Variants in DCLRE1C observed in about 807,000 individuals in gnomAD.
DCLRE1C encodes protein artemis.
Under a neutral mutation model 61.4 loss-of-function variants are expected in DCLRE1C, and 47 were observed. The observed-to-expected ratio is 0.77, with a 90% confidence interval of 0.61 to 0.98. DCLRE1C has a LOEUF of 0.98. Ranked by LOEUF, DCLRE1C falls within the 50% of genes least tolerant of loss-of-function variation. DCLRE1C has a pLI of 0.00. For missense variants in DCLRE1C, 858 were observed against 816.0 expected, an observed-to-expected ratio of 1.05 and a Z score of -0.63; for synonymous variants, 337 against 287.6, an observed-to-expected ratio of 1.17 and a Z score of -1.74.
At chr10:14,925,936 T>A (rs1175890763) in intron 11 of DCLRE1C, among the ~76,000 whole-genome samples, 1 of 152,208 alleles carries the variant, frequency 6.6e-6, no homozygotes, top group Non-Finnish European at 1.5e-5. Flanking sequence ...CGGGGGTGGC[T>A]ACCTCCATAC....
chr10:14,953,367 C>T (rs1220804738), intron 1 of DCLRE1C, among the ~76,000 whole-genome samples: 2 of 152,070 alleles, frequency 1.3e-5, no homozygotes, highest in Non-Finnish European at 2.9e-5. Flanking sequence ...TTGCCTGATA[C>T]CATCTAGAAG....
intron 4 of DCLRE1C, among the ~76,000 whole-genome samples, chr10:14,937,830 G>A (rs1408092625): frequency 2.7e-5 from 4 of 149,090 alleles, no homozygotes; most frequent in Admixed American, 6.8e-5. Context: ...GGAGGTAGAG[G>A]TTGCAGTGAG....
At chr10:14,949,981 G>T (rs926362317) in intron 1 of DCLRE1C, among the ~76,000 whole-genome samples, 2 of 152,028 alleles carry the variant, frequency 1.3e-5, no homozygotes, top group African/African-American at 4.8e-5. Context: ...GGAGGTAGAG[G>T]TTGCAGTGAG....
chr10:14,929,583 A>T (rs188919422), intron 9 of DCLRE1C, among the ~76,000 whole-genome samples: 48 of 152,230 alleles, frequency 3.2e-4, no homozygotes, highest in African/African-American at 1.1e-3. Context: ...TCGAGGCTAC[A>T]GTGAGCAATG....
intron 1 of DCLRE1C, among the ~76,000 whole-genome samples, chr10:14,952,176 G>A (rs954426493): frequency 1.3e-5 from 2 of 152,154 alleles, no homozygotes; most frequent in African/African-American, 2.4e-5. Context: ...TGCAAGTTTC[G>A]GAAGTATACT....
Position 14,945,166 on chromosome 10 carries a change from G to T in DCLRE1C, c.185C>A (p.Ser62Ter). 1 of 1,612,862 alleles carries T rather than the reference G, an allele frequency of 6.2e-7. No individual in the cohort carries two copies. Among genetic ancestry groups the T allele is most frequent in the South Asian group, 1.1e-5 (1 of 90,872 alleles). ...TAACAACAACTCCTTAGTCACAGGT[G>T]AACAGTATAGATAAACCTTCAAGCT... ...ECSLKVYLYC[S>*]PVTKELLLTS... Residue 62 changes from serine to a stop codon, truncating the protein, a stop_gained, in exon 3 of 14, where the codon TCA (serine) becomes TAA (stop). Coordinates refer to ENST00000378278, the MANE Select transcript of DCLRE1C (RefSeq NM_001033855.3). LOFTEE classifies it high-confidence loss of function.
rs778029115 is a variant in DCLRE1C at position 14,908,585 on chromosome 10, T to G, written c.1902A>C (p.Lys634Asn). 3.1e-6 allele frequency: 5 copies of G among 1,614,016 alleles called. No individual in the cohort carries two copies. Among genetic ancestry groups the G allele is most frequent in the Non-Finnish European group, 4.2e-6 (5 of 1,180,016 alleles). Residue 634 changes from lysine to asparagine, a missense_variant, in exon 14 of 14, where the codon AAA (lysine) becomes AAC (asparagine). Coordinates refer to ENST00000378278, the MANE Select transcript of DCLRE1C (RefSeq NM_001033855.3). ...CATTTGTGCTAAGATTTAGCAAACTTTTTTCCTCGGGTATATGTGTCTCAC... is the reference window on the plus strand; with the variant it reads ...CATTTGTGCTAAGATTTAGCAAACTGTTTTCCTCGGGTATATGTGTCTCAC... ...LSSETHIPEE[K>N]SLLNLSTNAD...
chr10:14,939,894 T>C (rs1339140195), intron 3 of DCLRE1C, 25 bp from the exon 4 acceptor site: 2 of 1,556,432 alleles, frequency 1.3e-6, no homozygotes, highest in East Asian at 2.3e-5. Flanking sequence ...TAAGAGACCA[T>C]GTATATAGCA....
intron 2 of DCLRE1C, 86 bp from the exon 3 acceptor site, chr10:14,945,275 A>G (rs772332251): frequency 6.9e-7 from 1 of 1,446,912 alleles, no homozygotes; most frequent in Non-Finnish European, 9.4e-7. Context: ...CATACATCTA[A>G]TAATTTCATT....
At chr10:14,927,158 G>A (rs1288260143) in intron 10 of DCLRE1C, among the ~76,000 whole-genome samples, 2 of 152,188 alleles carry the variant, frequency 1.3e-5, no homozygotes, top group South Asian at 2.1e-4. Context: ...GACGCGTACG[G>A]ATTGCCTGAG....
chr10:14,902,348 AT>A, downstream of DCLRE1C: 1 of 1,259,542 alleles, frequency 7.9e-7, no homozygotes, highest in Non-Finnish European at 1.1e-6. Flanking sequence ...AAAATTTGAA[AT>A]TTATTCTAAA....
Position 14,923,006 on chromosome 10 carries a change from T to G in DCLRE1C, c.1036A>C (p.Thr346Pro). ...ATTTCGACAACTTTATCCATAGTTG[T>G]GCCAACTGGAATGACATTTGGATAT... ...NAYPNVIPVG[T>P]TMDKVVEILK... Residue 346 changes from threonine (T) to proline (P), a missense_variant, in exon 12 of 14, where the codon ACA becomes CCA. By Grantham distance (38) the Thr-to-Pro change is conservative. Transcript: ENST00000378278. 6 of 1,614,150 alleles carry G rather than the reference T, an allele frequency of 3.7e-6. No homozygotes were observed. Among genetic ancestry groups the G allele is most frequent in the Non-Finnish European group, 5.1e-6 (6 of 1,179,954 alleles).
At chr10:14,941,539 G>A (rs1357285087) in intron 3 of DCLRE1C, among the ~76,000 whole-genome samples, 28 of 152,138 alleles carry the variant, frequency 1.8e-4, no homozygotes, top group Non-Finnish European at 2.9e-5. Flanking sequence ...GTCCCACCTT[G>A]GCCTCCCGAA....
intron 11 of DCLRE1C, among the ~76,000 whole-genome samples, chr10:14,925,798 G>A (rs1476086688): frequency 6.6e-6 from 1 of 152,114 alleles, no homozygotes; most frequent in African/African-American, 2.4e-5. Flanking sequence ...GAAAAACATG[G>A]CACTTAATAG....
At chr10:14,920,261 A>G in intron 12 of DCLRE1C, 2 of 463,338 alleles carry the variant, frequency 4.3e-6, no homozygotes, top group Non-Finnish European at 6.2e-6. Flanking sequence ...GGGTTTACTT[A>G]TATCTCACAG....
In DCLRE1C at chr10:14,908,444, T is replaced by C. The variant is rs1429403294; in HGVS notation, c.2043A>G (p.Ala681=). The change falls in exon 14 of 14, where the codon GCA becomes GCG. Residue 681 remains alanine (A), a synonymous_variant. Coordinates refer to ENST00000378278, the MANE Select transcript of DCLRE1C (RefSeq NM_001033855.3). ...YEKLATGESI[A]VKKRKCSLLD... ...AGAGTGAGCATTTTCTTTTTTTGAC[T>C]GCTATACTCTCACCAGTTGCCAGCT... 6.2e-7 allele frequency: 1 copy of C among 1,613,874 alleles called. No individual in the cohort carries two copies. Among genetic ancestry groups the C allele is most frequent in the Non-Finnish European group, 8.5e-7 (1 of 1,179,992 alleles).
chr10:14,911,217 T>A (rs1835199283), intron 13 of DCLRE1C: 1 of 152,120 alleles, frequency 6.6e-6, no homozygotes, highest in Admixed American at 6.5e-5. Context: ...CTTGTCCTGG[T>A]CCCAACAGCC....
chr10:14,902,141 CTAA>C (rs1307477596), downstream of DCLRE1C, among the ~76,000 whole-genome samples: 2 of 152,094 alleles, frequency 1.3e-5, no homozygotes, highest in Non-Finnish European at 2.9e-5. Context: ...CAAATATGGG[CTAA>C]TAACATAAAG....
At chr10:14,914,921 CAGAG>C (rs1360484066) in intron 13 of DCLRE1C, among the ~76,000 whole-genome samples, 4 of 149,416 alleles carry the variant, frequency 2.7e-5, no homozygotes, top group Non-Finnish European at 4.4e-5. Flanking sequence ...GCCTGGGGAA[CAGAG>C]AGAATCCATC....
Sources: allele counts gnomAD v4.1 joint callset (sites outside exome capture counted in the v4.1 genomes callset), GRCh38; gene constraint gnomAD v4.1.1; transcripts MANE v1.5; gene names NCBI Gene and HGNC (gene_info 2026-07-23, HGNC 2026-07-21).